The following USP6 variants were observed in gnomAD, a reference collection of about 807,000 sequenced individuals.
The protein encoded by USP6 is ubiquitin carboxyl-terminal hydrolase 6.
A neutral mutation model predicts 175.7 loss-of-function variants in USP6; 128 were observed. The observed-to-expected ratio is 0.73, with a 90% CI of 0.63 to 0.84. USP6 has a LOEUF of 0.84. USP6 is among the 40% of genes least tolerant of loss of function. USP6 has a pLI of 0.00. For missense variants in USP6, 1,498 were observed against 1,760.3 expected, an observed-to-expected ratio of 0.85 and a Z score of 2.67; for synonymous variants, 562 against 630.6, an observed-to-expected ratio of 0.89 and a Z score of 1.63.
rs1189253440 is a variant in USP6 at position 5,174,953 on chromosome 17, A to G, written c.*1975A>G. ...ATGGGGTGTACCTGTTTATCTGTTA[A>G]CTATTATCCAAACAAATTAAATACT... On this transcript the variant is annotated 3_prime_UTR_variant, in exon 38 of 38. Transcript: ENST00000574788. 1 of 189,226 alleles carries G rather than the reference A, an allele frequency of 5.3e-6. No homozygotes were observed. The highest frequency in any genetic ancestry group is 1.1e-5 in the Non-Finnish European group (1 of 89,650). 11.7% of individuals were successfully genotyped at this position (189,226 alleles called of 1,614,324 possible).
rs1301107116 is a variant in USP6 at position 5,132,871 on chromosome 17, C to T, written c.196-39C>T. The T allele has an allele frequency of 1.2e-6, 2 of 1,612,476 alleles. No individual in the cohort carries two copies. The highest frequency in any genetic ancestry group is 2.7e-5 in the African/African-American group (2 of 74,906). On this transcript the variant is annotated intron_variant, in intron 12 of 37. Coordinates refer to ENST00000574788, the MANE Select transcript of USP6 (RefSeq NM_001304284.2). This position sits in a 1 kb window ranked among gnomAD's most constrained non-coding sequence, Gnocchi z 4.7. The stretch of plus-strand genomic sequence containing the variant: ...GCATCCATGGGCGGCTCTGGGAAGC[C>T]TGGCAGCTCCACTAACTCCAACATG...
In USP6 at chr17:5,133,925, C is replaced by T. The variant is rs200922234; in HGVS notation, c.423C>T (p.Ile141=). The change falls in exon 15 of 38, where the codon ATC becomes ATT. Residue 141 remains isoleucine (I), a synonymous_variant. Coordinates refer to ENST00000574788, the MANE Select transcript of USP6 (RefSeq NM_001304284.2). ...KERGKRSSEH[I]HHIDLDVRTT... ...GGGGCAAGAGGTCATCTGAACACATCCACCACATCGACCTGGACGTGAGGA... is the reference window on the plus strand; with the variant it reads ...GGGGCAAGAGGTCATCTGAACACATTCACCACATCGACCTGGACGTGAGGA... 3.0e-5 allele frequency: 48 copies of T among 1,614,048 alleles called. No individual in the cohort carries two copies. The highest frequency in any genetic ancestry group is 3.3e-4 in the Middle Eastern group (2 of 6,084).
intron 25 of USP6, among the ~76,000 whole-genome samples, chr17:5,142,888 T>C (rs1051489112): frequency 1.4e-4 from 21 of 152,228 alleles, no homozygotes; most frequent in African/African-American, 5.1e-4. Context: ...GATAGTTATA[T>C]CTGTAGAATA....
chr17:5,119,960 C>T (rs2072615408), intron 2 of USP6, among the ~76,000 whole-genome samples: 1 of 152,242 alleles, frequency 6.6e-6, no homozygotes, highest in South Asian at 2.1e-4. Flanking sequence ...CCTGCCTCTC[C>T]TTTCCAGAAG....
intron 34 of USP6, among the ~76,000 whole-genome samples, chr17:5,168,424 C>T (rs1409973338): frequency 6.6e-6 from 1 of 152,198 alleles, no homozygotes; most frequent in East Asian, 1.9e-4. Flanking sequence ...ATGTGAACTT[C>T]AGGAGAGGGT....
At chr17:5,165,072 G>A (rs539495420) in intron 33 of USP6, among the ~76,000 whole-genome samples, 5 of 152,164 alleles carry the variant, frequency 3.3e-5, no homozygotes, top group Admixed American at 3.3e-4. Context: ...ACATGCTTAC[G>A]ATATGTGAAC....
At chr17:5,130,736 G>A (rs1185078218) in intron 11 of USP6, 52 bp downstream of exon 11, 8 of 1,606,884 alleles carry the variant, frequency 5.0e-6, no homozygotes, top group Non-Finnish European at 6.8e-6. Context: ...TCTCAGCTCA[G>A]GGATGGGTTT....
Position 5,133,455 on chromosome 17 carries a change from GT to G in USP6, c.290del (p.Val97GlyfsTer7). 2.5e-6 allele frequency: 4 copies of G among 1,611,490 alleles called. No homozygotes were observed. The highest frequency in any genetic ancestry group is 3.4e-6 in the Non-Finnish European group (4 of 1,179,484). On this transcript the variant is annotated frameshift_variant, in exon 14 of 38. Transcript: ENST00000574788. LOFTEE classifies it high-confidence loss of function. ...YKHSSKLIDR[V>X]YKGIPMNIRG... is the part of the protein sequence containing the mutation. The stretch of plus-strand genomic sequence containing the variant: ...TTTCTGCCCACAGCTCATAGATCGA[GT>G]GTACAAGGGAATTCCCATGAACATC...
At chr17:5,172,402 A>G (rs998624057) in intron 37 of USP6, among the ~76,000 whole-genome samples, 5 of 151,746 alleles carry the variant, frequency 3.3e-5, no homozygotes, top group African/African-American at 4.8e-5. Flanking sequence ...GTGGTGGCAC[A>G]TGCCTGTAGT....
chr17:5,171,341 A>AAATAAT (rs894688253), intron 36 of USP6, among the ~76,000 whole-genome samples: 23 of 152,040 alleles, frequency 1.5e-4, no homozygotes, highest in African/African-American at 4.8e-4. Flanking sequence ...CCCTGTCTCA[A>AAATAAT]AATAATAATA....
chr17:5,135,389 A>G (rs2073220827), intron 16 of USP6, 107 bp downstream of exon 16: 23 of 1,411,862 alleles, frequency 1.6e-5, no homozygotes, highest in Non-Finnish European at 2.2e-5. Context: ...TTTGTGACTC[A>G]CCAGGATATA....
chr17:5,146,469 G>A (rs1439083471), intron 28 of USP6, among the ~76,000 whole-genome samples: 2 of 152,100 alleles, frequency 1.3e-5, no homozygotes, highest in African/African-American at 4.8e-5. Context: ...AAAGACTGCT[G>A]CTATTACCAA....
At chr17:5,148,897 CT>C (rs2073686454) in intron 30 of USP6, 130 bp downstream of exon 30, 1 of 1,425,290 alleles carries the variant, frequency 7.0e-7, no homozygotes, top group Non-Finnish European at 9.2e-7. Context: ...AAATTTAATA[CT>C]TTTACAAATT....
Position 5,144,736 on chromosome 17 carries a change from A to C in USP6, c.1865A>C (p.Gln622Pro). The C allele has an allele frequency of 1.2e-6, 2 of 1,613,838 alleles. No individual in the cohort carries two copies. ...YAPKFDGFQQ[Q>P]DSQELLAFLL... The stretch of plus-strand genomic sequence containing the variant: ...CCCAAGTTTGATGGGTTTCAGCAAC[A>C]AGACTCCCAAGAACTTCTGGCTTTT... The change falls in exon 26 of 38, where the codon CAA (glutamine) becomes CCA (proline). Residue 622 changes from glutamine (Q) to proline (P), a missense_variant. Transcript: ENST00000574788.
intron 30 of USP6, among the ~76,000 whole-genome samples, chr17:5,151,048 GATCTT>G (rs2073757168): frequency 6.6e-6 from 1 of 152,056 alleles, no homozygotes; most frequent in Non-Finnish European, 1.5e-5. Context: ...AATCCAGGAT[GATCTT>G]ATCTTGACAT....
intron 4 of USP6, among the ~76,000 whole-genome samples, chr17:5,122,608 G>T (rs1232530264): frequency 6.6e-6 from 1 of 151,366 alleles, no homozygotes; most frequent in Non-Finnish European, 1.5e-5. Context: ...CCGACCCTCC[G>T]CTGCGGGGCC....
chr17:5,163,674 G>A (rs1347398253), intron 33 of USP6, among the ~76,000 whole-genome samples: 1 of 152,204 alleles, frequency 6.6e-6, no homozygotes, highest in Non-Finnish European at 1.5e-5. Context: ...AAACAAAACT[G>A]TGTCTGGCCA....
chr17:5,139,764 C>A, intron 22 of USP6, 90 bp downstream of exon 22: 1 of 1,596,236 alleles, frequency 6.3e-7, no homozygotes, highest in Non-Finnish European at 8.5e-7. Flanking sequence ...GACCGGGATA[C>A]CTCCTTTGCA....
chr17:5,119,940 T>C (rs2072614818), intron 2 of USP6, among the ~76,000 whole-genome samples: 1 of 152,218 alleles, frequency 6.6e-6, no homozygotes, highest in South Asian at 2.1e-4. Flanking sequence ...CCCACCTCTC[T>C]GCCCCCTCTC....
Sources: gnomAD v4.1 joint callset for allele counts (sites outside exome capture counted in the v4.1 genomes callset) on GRCh38, gnomAD v4.1.1 for gene constraint, Gnocchi (gnomAD v3.1) non-coding constraint, MANE v1.5 for transcripts, NCBI Gene and HGNC (gene_info 2026-07-23, HGNC 2026-07-21) for gene names.